ZNF445: variants seen among roughly 807,000 people sequenced by gnomAD.
The protein encoded by ZNF445 is zinc finger protein 168.
A neutral mutation model predicts 93.9 loss-of-function variants in ZNF445; 19 were observed. The observed-to-expected ratio is 0.20, with a 90% CI of 0.14 to 0.30. The LOEUF (loss-of-function observed/expected upper bound fraction) is 0.30, where lower values mean the gene tolerates loss of function less well. ZNF445 is among the 10% of genes least tolerant of loss of function. ZNF445 has a pLI of 1.00. For missense variants in ZNF445, 1,058 were observed against 1,259.4 expected, an observed-to-expected ratio of 0.84 and a Z score of 2.42; for synonymous variants, 449 against 446.3, an observed-to-expected ratio of 1.01 and a Z score of -0.08.
intron 1 of ZNF445, among the ~76,000 whole-genome samples, chr3:44,469,401 C>T (rs777322531): frequency 6.6e-6 from 1 of 152,176 alleles, no homozygotes; most frequent in Non-Finnish European, 1.5e-5. Flanking sequence ...AAGACCTTAA[C>T]CCCTCCTCTG....
At chr3:44,477,461 C>CGCCACGGGCGCAGCCTCCAGGCCGG (rs1698383305) in intron 1 of ZNF445, 130 bp downstream of exon 1, 1 of 152,056 alleles carries the variant, frequency 6.6e-6, no homozygotes, top group Admixed American at 6.5e-5. Context: ...GCCAGACCCC[C>CGCCACGGGCGCAGCCTCCAGGCCGG]GCCACGGGCG....
At position 44,441,261 on chromosome 3, in the gene ZNF445, G is replaced by C. The variant is rs1011454960; in HGVS notation, c.*5314C>G. The C allele has an allele frequency of 2.0e-5, 3 of 152,206 alleles. No individual in the cohort carries two copies. Among genetic ancestry groups the C allele is most frequent in the Non-Finnish European group, 4.4e-5 (3 of 68,038 alleles). 9.4% of individuals were successfully genotyped at this position (152,206 alleles called of 1,614,324 possible). On this transcript the variant is annotated 3_prime_UTR_variant, in exon 8 of 8. Coordinates refer to ENST00000396077, the MANE Select transcript of ZNF445 (RefSeq NM_181489.6). ...ATGGCACTGGTGGGAGTGTCTGTTA[G>C]CATGCTAATGCATTATAATTACAGT...
intron 2 of ZNF445, among the ~76,000 whole-genome samples, chr3:44,457,965 A>G (rs944537029): frequency 6.8e-6 from 1 of 147,114 alleles, no homozygotes; most frequent in African/African-American, 2.5e-5. Context: ...GTGAGCCAAG[A>G]TCACACTACT....
chr3:44,440,765 G>A lies in ZNF445; in HGVS notation c.*5810C>T, dbSNP rs543710300. 1.3e-5 allele frequency: 2 copies of A among 152,246 alleles called. No individual in the cohort carries two copies. The highest frequency in any genetic ancestry group is 3.9e-4 in the East Asian group (2 of 5,186). The allele number at this position is 152,246 out of a possible 1,614,324, so 9.4% of individuals were successfully genotyped here. On this transcript the variant is annotated 3_prime_UTR_variant, in exon 8 of 8. Transcript: ENST00000396077. ...AGAGTAGCCCCAAGGGCTGCTGGTT[G>A]CCTATTTTTATGGTTATTTATTGAT...
chr3:44,449,542 G>C lies in ZNF445; in HGVS notation c.902C>G (p.Pro301Arg). The change falls in exon 7 of 8, where the codon CCT (proline) becomes CGT (arginine). Residue 301 changes from proline to arginine, a missense_variant. Around this residue, in one of 3 missense-constraint regions of ZNF445, gnomAD observed 657 missense variants for 746.4 expected, o/e 0.88. Transcript: ENST00000396077. The part of the protein sequence containing the change: ...PWGLNMQAAQ[P>R]KGNPVAAPTG... ...AGGAGCAGCAACTGGATTCCCCTTAGGCTGAGCTGCCTGCATGTTCAGGCC... is the reference window on the plus strand; with the variant it reads ...AGGAGCAGCAACTGGATTCCCCTTACGCTGAGCTGCCTGCATGTTCAGGCC... The C allele has an allele frequency of 1.9e-6, 3 of 1,614,188 alleles. No individual in the cohort carries two copies. Among genetic ancestry groups the C allele is most frequent in the South Asian group, 2.2e-5 (2 of 91,082 alleles).
rs532400473 is a variant in ZNF445, at chr3:44,437,060, G to C, written c.*9515C>G. 1 of 152,174 alleles carries C rather than the reference G, an allele frequency of 6.6e-6. No homozygotes were observed. The highest frequency in any genetic ancestry group is 1.9e-4 in the East Asian group (1 of 5,190). The allele number at this position is 152,174 out of a possible 1,614,324, so 9.4% of individuals were successfully genotyped here. A position where few individuals can be genotyped will look rare whatever the true frequency, so the allele number is the denominator to read the frequency against. On this transcript the variant is annotated 3_prime_UTR_variant, in exon 8 of 8. Transcript: ENST00000396077. ...CTCCATAGACAGAGCAGCCCCGAGGGCTGCTGGTTGTCTATTTTATGGTTT... is the reference window on the plus strand; with the variant it reads ...CTCCATAGACAGAGCAGCCCCGAGGCCTGCTGGTTGTCTATTTTATGGTTT...
rs1277302035 is a variant in ZNF445 at position 44,455,186 on chromosome 3, T to C, written c.364A>G (p.Ser122Gly). The change falls in exon 3 of 8, where the codon AGT becomes GGT. Residue 122 changes from serine (S) to glycine (G), a missense_variant. Ser to Gly is a moderately conservative substitution (Grantham distance 56). Coordinates refer to ENST00000396077, the MANE Select transcript of ZNF445 (RefSeq NM_181489.6). The stretch of plus-strand genomic sequence containing the variant: ...AGCAAGGCCACAGCCTCCTCGCCAC[T>C]CTCAGGGTTATGAAGCTGCACCCAA... ...RVWVQLHNPE[S>G]GEEAVALLEE... 6.2e-7 allele frequency: 1 copy of C among 1,613,944 alleles called. No homozygotes were observed. Among genetic ancestry groups the C allele is most frequent in the African/African-American group, 1.3e-5 (1 of 74,856 alleles).
At chr3:44,464,473 A>G (rs772031314) in intron 1 of ZNF445, among the ~76,000 whole-genome samples, 2 of 152,204 alleles carry the variant, frequency 1.3e-5, no homozygotes, top group African/African-American at 4.8e-5. Flanking sequence ...TTTAAATCAA[A>G]TATTTTGTCA....
chr3:44,450,626 G>T, intron 5 of ZNF445, 53 bp from the exon 6 acceptor site: 2 of 1,588,100 alleles, frequency 1.3e-6, no homozygotes, highest in African/African-American at 2.7e-5. Flanking sequence ...CTTTGAGGTG[G>T]AAAGGGAGAG....
At chr3:44,457,817 A>G (rs1698052986) in intron 2 of ZNF445, among the ~76,000 whole-genome samples, 1 of 151,832 alleles carries the variant, frequency 6.6e-6, no homozygotes, top group South Asian at 2.1e-4. Flanking sequence ...CCTGACCAAC[A>G]CAGTGAAACG....
At position 44,474,538 on chromosome 3, in the gene ZNF445, C is replaced by A. The variant is rs535531402; in HGVS notation, c.-269+3053G>T. ...TCAAACAAACAAAAAACAGAACAAACAAAAAAACAAATATAAAACACTTCT... is the reference window on the plus strand; with the variant it reads ...TCAAACAAACAAAAAACAGAACAAAAAAAAAAACAAATATAAAACACTTCT... On this transcript the variant is annotated intron_variant, in intron 1 of 7. Coordinates refer to ENST00000396077, the MANE Select transcript of ZNF445 (RefSeq NM_181489.6). Among the ~76,000 whole-genome samples the A allele has an allele frequency of 3.3e-3, 495 of 151,862 alleles. 2 individuals carry two copies. Among genetic ancestry groups the A allele is most frequent in the Non-Finnish European group, 4.3e-3 (290 of 67,946 alleles).
rs1454879482 is a variant in ZNF445 at position 44,451,343 on chromosome 3, T to C, written c.569A>G (p.Glu190Gly). ...TTGCCCAGCCAGGAAGTCACGTGCT[T>C]CTATTTCATAGGGAGGCTCCAGGTG... ...GDHLEPPYEI[E>G]ARDFLAGQSD... Residue 190 changes from glutamate to glycine, a missense_variant, in exon 4 of 8, where the codon GAA becomes GGA. Glu to Gly is a moderately conservative substitution (Grantham distance 98). This residue lies in a region of ZNF445 where 657 missense variants were observed against 746.4 expected (regional missense o/e 0.88). Transcript: ENST00000396077. 1.2e-6 allele frequency: 2 copies of C among 1,614,090 alleles called. No individual in the cohort carries two copies. Among genetic ancestry groups the C allele is most frequent in the Admixed American group, 1.7e-5 (1 of 60,020 alleles).
chr3:44,451,064 A>G (rs1697950063), intron 4 of ZNF445, 102 bp from the exon 5 acceptor site: 2 of 1,097,172 alleles, frequency 1.8e-6, no homozygotes, highest in Non-Finnish European at 2.6e-6. Flanking sequence ...ATGAGCAGGT[A>G]CATAATGTTG....
chr3:44,473,492 A>ACACACACACACACACACAC (rs1559400839), intron 1 of ZNF445, among the ~76,000 whole-genome samples: 11 of 89,032 alleles, frequency 1.2e-4, no homozygotes, highest in Admixed American at 2.4e-4. Flanking sequence ...CACACACACA[A>ACACACACACACACACACAC]AAAATGCTTT....
At position 44,440,045 on chromosome 3, in the gene ZNF445, C is replaced by T. The variant is rs1353941146; in HGVS notation, c.*6530G>A. On this transcript the variant is annotated 3_prime_UTR_variant, in exon 8 of 8. Transcript: ENST00000396077. ...ATGCTATTAGCAGACAAACGTCAAA[C>T]ATGGGGAGACTCTATTCTAGCTCCC... 2.6e-5 allele frequency: 4 copies of T among 152,218 alleles called. No individual in the cohort carries two copies. Among genetic ancestry groups the T allele is most frequent in the African/African-American group, 4.8e-5 (2 of 41,452 alleles). The allele number at this position is 152,218 out of a possible 1,614,324, so 9.4% of individuals were successfully genotyped here. A position where few individuals can be genotyped will look rare whatever the true frequency, so the allele number is the denominator to read the frequency against.
rs571701576 is a variant in ZNF445 at position 44,435,030 on chromosome 3, T to C, written c.*11545A>G. ...ACTGCCAACCCTTCAACTGGGCCTG[T>C]ACACATGCCCAAGAGGTGGCCTTTT... On this transcript the variant is annotated 3_prime_UTR_variant, in exon 8 of 8. Transcript: ENST00000396077. The C allele has an allele frequency of 1.1e-4, 16 of 152,296 alleles. No homozygotes were observed. The highest frequency in any genetic ancestry group is 3.6e-4 in the African/African-American group (15 of 41,568). 9.4% of individuals were successfully genotyped at this position (152,296 alleles called of 1,614,324 possible). A position where few individuals can be genotyped will look rare whatever the true frequency, so the allele number is the denominator to read the frequency against.
rs1419766158 is a variant in ZNF445, at chr3:44,433,585, A to T, written c.*12990T>A. ...CTGGGGGGTCTGATGGGGTTATGAGAGAAATGCCCAGGGAGGGAGACTGGA... is the reference window on the plus strand; with the variant it reads ...CTGGGGGGTCTGATGGGGTTATGAGTGAAATGCCCAGGGAGGGAGACTGGA... On this transcript the variant is annotated 3_prime_UTR_variant, in exon 8 of 8. Transcript: ENST00000396077. 1.3e-5 allele frequency: 2 copies of T among 152,348 alleles called. No individual in the cohort carries two copies. The highest frequency in any genetic ancestry group is 2.9e-5 in the Non-Finnish European group (2 of 68,188). The allele number at this position is 152,348 out of a possible 1,614,324, so 9.4% of individuals were successfully genotyped here.
intron 1 of ZNF445, among the ~76,000 whole-genome samples, chr3:44,470,250 A>G (rs939807590): frequency 6.6e-5 from 10 of 152,218 alleles, no homozygotes; most frequent in African/African-American, 1.9e-4. Flanking sequence ...ACAGCCAAGT[A>G]AGGAGAGAGA....
In ZNF445 at chr3:44,445,710, A is replaced by G. The variant is rs1204989035; in HGVS notation, c.*865T>C. 6.6e-6 allele frequency: 1 copy of G among 152,304 alleles called. No individual in the cohort carries two copies. The highest frequency in any genetic ancestry group is 1.5e-5 in the Non-Finnish European group (1 of 68,228). The allele number at this position is 152,304 out of a possible 1,614,324, so 9.4% of individuals were successfully genotyped here. ...ATCTAAAATCACGACTGATCTCCCA[A>G]TCCAGCACTCCCTCTGCTCTTCTCT... On this transcript the variant is annotated 3_prime_UTR_variant, in exon 8 of 8. Coordinates refer to ENST00000396077, the MANE Select transcript of ZNF445 (RefSeq NM_181489.6).
Sources: allele counts gnomAD v4.1 joint callset (sites outside exome capture counted in the v4.1 genomes callset), GRCh38; gene constraint gnomAD v4.1.1; regional missense constraint gnomAD v4.1.1; transcripts MANE v1.5; gene names NCBI Gene and HGNC (gene_info 2026-07-23, HGNC 2026-07-21).